The following CABLES1 variants were observed in gnomAD, a reference collection of about 807,000 sequenced individuals.
CABLES1 encodes the protein CDK5 and ABL1 enzyme substrate 1.
In CABLES1, 36 loss-of-function variants were observed where a neutral mutation model predicts 57.8. That is an observed-to-expected ratio of 0.62 (90% confidence interval 0.48 to 0.82). The LOEUF is 0.82. CABLES1 is among the 40% of genes least tolerant of loss of function. The pLI is 0.00. For missense variants in CABLES1, 767 were observed against 836.6 expected, an observed-to-expected ratio of 0.92 and a Z score of 1.03; for synonymous variants, 374 against 363.0, an observed-to-expected ratio of 1.03 and a Z score of -0.35.
At chr18:23,157,916 A>C (rs1039426395) in intron 1 of CABLES1, among the ~76,000 whole-genome samples, 1 of 152,146 alleles carries the variant, frequency 6.6e-6, no homozygotes, top group African/African-American at 2.4e-5. Context: ...TGGCTTTGCT[A>C]TTCTCCACGT....
At chr18:23,163,154 C>T (rs2047016317) in intron 1 of CABLES1, among the ~76,000 whole-genome samples, 1 of 151,782 alleles carries the variant, frequency 6.6e-6, no homozygotes, top group South Asian at 2.1e-4. Context: ...ATCACTGGTA[C>T]CATGGAGATG....
chr18:23,198,918 C>T (rs1450392052), intron 3 of CABLES1, among the ~76,000 whole-genome samples: 2 of 152,140 alleles, frequency 1.3e-5, no homozygotes, highest in Non-Finnish European at 2.9e-5. Flanking sequence ...GTTCTGCAAC[C>T]GTAGGAAACT....
intron 9 of CABLES1, 32 bp from the exon 10 acceptor site, chr18:23,257,195 T>C: frequency 6.2e-7 from 1 of 1,606,224 alleles, no homozygotes; most frequent in Middle Eastern, 1.7e-4. Context: ...AATTTCAAAA[T>C]GAACATGCTT....
At chr18:23,221,945 C>T (rs557993009) in intron 4 of CABLES1, among the ~76,000 whole-genome samples, 14 of 152,280 alleles carry the variant, frequency 9.2e-5, no homozygotes, top group Admixed American at 2.6e-4. Flanking sequence ...AACCACGGGT[C>T]GCTAAGAAGC....
chr18:23,196,708 G>A (rs990119458), intron 3 of CABLES1: 2 of 152,392 alleles, frequency 1.3e-5, no homozygotes, highest in Admixed American at 6.5e-5. Flanking sequence ...AGGGACCCCT[G>A]TGCTGGCTTA....
intron 7 of CABLES1, among the ~76,000 whole-genome samples, chr18:23,240,599 T>C (rs569491798): frequency 2.6e-5 from 4 of 152,350 alleles, no homozygotes; most frequent in Non-Finnish European, 5.9e-5. Flanking sequence ...TGGGTGGGAA[T>C]GCTCAGTGAT....
chr18:23,211,755 T>C (rs902902494), intron 3 of CABLES1, among the ~76,000 whole-genome samples: 1 of 152,252 alleles, frequency 6.6e-6, no homozygotes, highest in Non-Finnish European at 1.5e-5. Flanking sequence ...TCGACGTGCC[T>C]CATCAGTTAA....
intron 7 of CABLES1, among the ~76,000 whole-genome samples, chr18:23,243,469 T>G (rs1459517216): frequency 1.1e-5 from 1 of 92,608 alleles, no homozygotes; most frequent in African/African-American, 4.3e-5. Context: ...GGGTTTGGTG[T>G]TTTTTTTTTT....
intron 1 of CABLES1, among the ~76,000 whole-genome samples, chr18:23,145,581 C>T (rs1568041987): frequency 6.6e-6 from 1 of 152,190 alleles, no homozygotes; most frequent in Non-Finnish European, 1.5e-5. Flanking sequence ...CAAGTTTCAG[C>T]CTGTGTACCA....
intron 1 of CABLES1, among the ~76,000 whole-genome samples, chr18:23,169,275 G>T (rs1292605955): frequency 6.6e-6 from 1 of 152,188 alleles, no homozygotes; most frequent in Admixed American, 6.5e-5. Context: ...GGGCTGCTCT[G>T]TGTAGGGAGT....
chr18:23,172,019 C>T (rs2047086160), intron 1 of CABLES1, among the ~76,000 whole-genome samples: 1 of 152,212 alleles, frequency 6.6e-6, no homozygotes. Context: ...CTCACGGGCT[C>T]AAGTGATTCT....
chr18:23,176,532 C>G (rs555898880), intron 1 of CABLES1, among the ~76,000 whole-genome samples: 1 of 151,970 alleles, frequency 6.6e-6, no homozygotes, highest in African/African-American at 2.4e-5. Flanking sequence ...ATTTGGAGGC[C>G]GTCAATTTAG....
intron 1 of CABLES1, among the ~76,000 whole-genome samples, chr18:23,163,800 C>A (rs1422873172): frequency 6.6e-6 from 1 of 152,156 alleles, no homozygotes. Flanking sequence ...GAGGCTGGAA[C>A]CTTCCTTCCC....
At chr18:23,173,058 C>CA (rs777830896) in intron 1 of CABLES1, among the ~76,000 whole-genome samples, 11 of 152,172 alleles carry the variant, frequency 7.2e-5, no homozygotes, top group Admixed American at 1.3e-4. Flanking sequence ...CTCCAAACGG[C>CA]ACCTTGATGT....
intron 1 of CABLES1, among the ~76,000 whole-genome samples, chr18:23,185,708 C>T (rs961759150): frequency 7.5e-4 from 114 of 152,310 alleles, no homozygotes; most frequent in African/African-American, 2.6e-3. Flanking sequence ...TGCCTATTTA[C>T]TGGTCACCTG....
At chr18:23,209,808 T>TCAC (rs551127880) in intron 3 of CABLES1, among the ~76,000 whole-genome samples, 10 of 151,782 alleles carry the variant, frequency 6.6e-5, no homozygotes, top group African/African-American at 2.4e-4. Flanking sequence ...GTGAGAGACA[T>TCAC]TGCCAGTGCT....
chr18:23,135,760 A>C lies in CABLES1; in HGVS notation c.-3A>C. ...CGCGGAAATCCCGCCGCAGACGGAC[A>C]CAATGGCGGCGGCGGCGGCGGCCGC... On this transcript the variant is annotated 5_prime_UTR_variant, in exon 1 of 10. Transcript: ENST00000256925. The C allele has an allele frequency of 3.0e-6, 3 of 986,520 alleles. No homozygotes were observed. Among genetic ancestry groups the C allele is most frequent in the Non-Finnish European group, 2.4e-6 (2 of 832,296 alleles). The allele number at this position is 986,520 out of a possible 1,614,324, so 61.1% of individuals were successfully genotyped here.
rs565969843 is a variant in CABLES1 at position 23,241,215 on chromosome 18, AT to A, written c.1446+3981del. Among the ~76,000 whole-genome samples, 869 of 149,204 alleles carry A rather than the reference AT, an allele frequency of 5.8e-3. 3 individuals are homozygous for A. Among genetic ancestry groups the A allele is most frequent in the African/African-American group, 0.02 (801 of 40,828 alleles). Reference sequence around the variant, plus strand: ...TTCCCCATGTCATGTGTGTCAGTAGATTTTTTTTTTTAATTGCTGAGTGGGC... The same window carrying A: ...TTCCCCATGTCATGTGTGTCAGTAGATTTTTTTTTTAATTGCTGAGTGGGC... On this transcript the variant is annotated intron_variant, in intron 7 of 9. Coordinates refer to ENST00000256925, the MANE Select transcript of CABLES1 (RefSeq NM_001100619.3).
rs1047896994 is a variant in CABLES1, at chr18:23,258,652, T to A, written c.*1285T>A. On this transcript the variant is annotated 3_prime_UTR_variant, in exon 10 of 10. Coordinates refer to ENST00000256925, the MANE Select transcript of CABLES1 (RefSeq NM_001100619.3). ...AGAATTAAACTCTTGTTGCTTTTTG[T>A]ATACCTGTATGCGTTTGTGTAGACG... is the stretch of plus-strand genomic sequence containing the variant. The A allele has an allele frequency of 6.6e-6, 1 of 152,266 alleles. No homozygotes were observed. The allele number at this position is 152,266 out of a possible 1,614,324, so 9.4% of individuals were successfully genotyped here. A position where few individuals can be genotyped will look rare whatever the true frequency, so the allele number is the denominator to read the frequency against.
Sources: allele counts gnomAD v4.1 joint callset (sites outside exome capture counted in the v4.1 genomes callset), GRCh38; gene constraint gnomAD v4.1.1; transcripts MANE v1.5; gene names NCBI Gene and HGNC (gene_info 2026-07-23, HGNC 2026-07-21).